Variants in GMPPB observed in about 807,000 individuals in gnomAD.
The protein encoded by GMPPB is GDP-mannose pyrophosphorylase B, also known as mannose-1-phosphate guanylyltransferase catalytic subunit beta.
A neutral mutation model predicts 40.3 loss-of-function variants in GMPPB; 38 were observed. That is an observed-to-expected ratio of 0.94 (90% CI 0.73 to 1.24). GMPPB has a LOEUF of 1.24. GMPPB is among the 50% of genes most tolerant of loss of function. The pLI is 0.00. For missense variants in GMPPB, 436 were observed against 487.1 expected (o/e 0.90, Z 0.99); for synonymous variants, 193 against 191.8 (o/e 1.01, Z -0.05).
Position 49,723,790 on chromosome 3 carries a change from C to A in GMPPB, c.-64G>T. The A allele has an allele frequency of 6.7e-7, 1 of 1,491,474 alleles. No homozygotes were observed. Among genetic ancestry groups the A allele is most frequent in the Non-Finnish European group, 8.8e-7 (1 of 1,132,280 alleles). The allele number at this position is 1,491,474 out of a possible 1,614,324, so 92.4% of individuals were successfully genotyped here. On this transcript the variant is annotated 5_prime_UTR_variant, in exon 1 of 9. Transcript: ENST00000308388. Reference sequence around the variant, plus strand: ...GGTGCCTGCAGCCCGCCTGGCCGGTCCCTGCCGCGCACTCCCAACGCCGTG... The same window carrying A: ...GGTGCCTGCAGCCCGCCTGGCCGGTACCTGCCGCGCACTCCCAACGCCGTG...
chr3:49,720,516 A>G lies in GMPPB; in HGVS notation c.*1236T>C, dbSNP rs745734265. On this transcript the variant is annotated 3_prime_UTR_variant, in exon 9 of 9. Coordinates refer to ENST00000308388, the MANE Select transcript of GMPPB (RefSeq NM_021971.4). ...TTGCACCCTCCCCTACCTAGGAGAG[A>G]GCAAGCCACATCAGTGCTCCTGGCA... 6.3e-7 allele frequency: 1 copy of G among 1,586,674 alleles called. No homozygotes were observed.
chr3:49,721,528 CAGCCCT>C lies in GMPPB; in HGVS notation c.*218_*223del, dbSNP rs754623460. On this transcript the variant is annotated 3_prime_UTR_variant, in exon 9 of 9. Transcript: ENST00000308388. Reference sequence around the variant, plus strand: ...GTGAGCATTAAATTATTATTCCATACAGCCCTGGCCCTGGCCCTTCTTGAGGGAGTG... The same window carrying C: ...GTGAGCATTAAATTATTATTCCATACGGCCCTGGCCCTTCTTGAGGGAGTG... The C allele has an allele frequency of 8.6e-6, 7 of 811,460 alleles. No individual in the cohort carries two copies. In the South Asian group the frequency reaches 9.9e-5, roughly 11 times the overall value. The allele number at this position is 811,460 out of a possible 1,614,324, so 50.3% of individuals were successfully genotyped here. A position where few individuals can be genotyped will look rare whatever the true frequency, so the allele number is the denominator to read the frequency against.
rs1288789222 is a variant in GMPPB at position 49,721,794 on chromosome 3, C to T, written c.1041G>A (p.Lys347=). 1 of 1,611,696 alleles carries T rather than the reference C, an allele frequency of 6.2e-7. No homozygotes were observed. Among genetic ancestry groups the T allele is most frequent in the Non-Finnish European group, 8.5e-7 (1 of 1,179,796 alleles). The change falls in exon 9 of 9, where the codon AAG becomes AAA. Residue 347 remains lysine, a synonymous_variant. Coordinates refer to ENST00000308388, the MANE Select transcript of GMPPB (RefSeq NM_021971.4). ...YLNGASVLPH[K]SIGESVPEPR... is the part of the protein sequence containing the mutation. ...GCTCTGGCACTGACTCGCCAATAGA[C>T]TTGTGGGGCAGCACGCTGGCTCCGT...
chr3:49,720,705 G>A lies in GMPPB; in HGVS notation c.*1047C>T. ...GGAAATCTGGGGCTGGGTCGGGTCAGGAGCCTTAAGAACAGCAAAGTCCTA... is the reference window on the plus strand; with the variant it reads ...GGAAATCTGGGGCTGGGTCGGGTCAAGAGCCTTAAGAACAGCAAAGTCCTA... On this transcript the variant is annotated 3_prime_UTR_variant, in exon 9 of 9. Coordinates refer to ENST00000308388, the MANE Select transcript of GMPPB (RefSeq NM_021971.4). The A allele has an allele frequency of 6.2e-7, 1 of 1,602,090 alleles. No individual in the cohort carries two copies. Among genetic ancestry groups the A allele is most frequent in the African/African-American group, 1.3e-5 (1 of 74,858 alleles).
Position 49,723,691 on chromosome 3 carries a change from C to T in GMPPB, c.36G>A (p.Thr12=), listed in dbSNP as rs528688224. ...KALILVGGYG[T]RLRPLTLSTP... ...TGCTCAGCGTCAGCGGCCGTAGCCGCGTCCCATAGCCCCCCACTAAGATCA... is the reference window on the plus strand; with the variant it reads ...TGCTCAGCGTCAGCGGCCGTAGCCGTGTCCCATAGCCCCCCACTAAGATCA... The change falls in exon 1 of 9, where the codon ACG becomes ACA. Residue 12 remains threonine, a synonymous_variant. Transcript: ENST00000308388. The T allele has an allele frequency of 4.4e-6, 7 of 1,590,862 alleles. No individual in the cohort carries two copies. In the East Asian group the frequency reaches 1.6e-4, roughly 36 times the overall value.
chr3:49,720,780 C>CAA lies in GMPPB; in HGVS notation c.*971_*972insTT. 1 of 1,613,886 alleles carries CAA rather than the reference C, an allele frequency of 6.2e-7. No individual in the cohort carries two copies. The highest frequency in any genetic ancestry group is 1.1e-5 in the South Asian group (1 of 91,076). On this transcript the variant is annotated 3_prime_UTR_variant, in exon 9 of 9. Coordinates refer to ENST00000308388, the MANE Select transcript of GMPPB (RefSeq NM_021971.4). Reference sequence around the variant, plus strand: ...ACATCCTCAGCTACCTCTGACTTGACACTACCTACCACTCCCCAGATGCGG... The same window carrying CAA: ...ACATCCTCAGCTACCTCTGACTTGACAAACTACCTACCACTCCCCAGATGCGG...
chr3:49,722,447 C>T lies in GMPPB; in HGVS notation c.625G>A (p.Ala209Thr). The change falls in exon 6 of 9, where the codon GCC becomes ACC. Residue 209 changes from alanine (A) to threonine (T), a missense_variant. Coordinates refer to ENST00000308388, the MANE Select transcript of GMPPB (RefSeq NM_021971.4). ...PIMAKEGQLYAMELQGFWMDI... is the reference protein window; with the variant it reads ...PIMAKEGQLYTMELQGFWMDI... ...CCTGCCTCACCCTGTAACTCCATGG[C>T]ATATAGCTGCCCCTCCTTGGCCATA... is the stretch of plus-strand genomic sequence containing the variant. The T allele has an allele frequency of 6.2e-7, 1 of 1,614,198 alleles. No individual in the cohort carries two copies. Among genetic ancestry groups the T allele is most frequent in the Non-Finnish European group, 8.5e-7 (1 of 1,180,038 alleles).
chr3:49,722,443 A>G lies in GMPPB; in HGVS notation c.629T>C (p.Met210Thr), dbSNP rs759137392. 4.0e-5 allele frequency: 64 copies of G among 1,613,998 alleles called. No homozygotes were observed. The highest frequency in any genetic ancestry group is 5.4e-5 in the Non-Finnish European group (64 of 1,180,008). The stretch of plus-strand genomic sequence containing the variant: ...CCTCCCTGCCTCACCCTGTAACTCC[A>G]TGGCATATAGCTGCCCCTCCTTGGC... Reference protein sequence around the residue: ...IMAKEGQLYAMELQGFWMDIG... With the variant: ...IMAKEGQLYATELQGFWMDIG... The change falls in exon 6 of 9, where the codon ATG becomes ACG. Residue 210 changes from methionine (M) to threonine (T), a missense_variant. Transcript: ENST00000308388.
rs762098688 is a variant in GMPPB, at chr3:49,723,090, T to C, written c.284A>G (p.Asp95Gly). ...GTAGPLALAR[D>G]LLSETADPFF... ...AGGGTCTGCAGTCTCAGAGAGTAGGTCACGGGCCAGCGCCAGGGGCCCAGC... is the reference window on the plus strand; with the variant it reads ...AGGGTCTGCAGTCTCAGAGAGTAGGCCACGGGCCAGCGCCAGGGGCCCAGC... Residue 95 changes from aspartate (D) to glycine (G), a missense_variant, in exon 4 of 9, where the codon GAC becomes GGC. Physicochemically the swap from Asp to Gly is moderately conservative, Grantham distance 94. Coordinates refer to ENST00000308388, the MANE Select transcript of GMPPB (RefSeq NM_021971.4). 1.2e-6 allele frequency: 2 copies of C among 1,613,724 alleles called. No individual in the cohort carries two copies. Among genetic ancestry groups the C allele is most frequent in the African/African-American group, 2.7e-5 (2 of 74,874 alleles).
At position 49,723,634 on chromosome 3, in the gene GMPPB, C is replaced by T; in HGVS notation, c.93G>A (p.Lys31=). The part of the protein sequence containing the change: ...TPKPLVDFCN[K]PILLHQVEAL... ...CCTCCACTTGGTGCAGCAAGATGGGCTTATTGCAGAAGTCCACCAGTGGCT... is the reference window on the plus strand; with the variant it reads ...CCTCCACTTGGTGCAGCAAGATGGGTTTATTGCAGAAGTCCACCAGTGGCT... The change falls in exon 1 of 9, where the codon AAG becomes AAA. Residue 31 remains lysine, a synonymous_variant. Coordinates refer to ENST00000308388, the MANE Select transcript of GMPPB (RefSeq NM_021971.4). The T allele has an allele frequency of 1.3e-6, 2 of 1,584,438 alleles. No homozygotes were observed. Among genetic ancestry groups the T allele is most frequent in the Non-Finnish European group, 1.7e-6 (2 of 1,165,506 alleles).
Position 49,722,604 on chromosome 3 carries a change from G to C in GMPPB, c.553C>G (p.Arg185Gly). 6.2e-7 allele frequency: 1 copy of C among 1,613,870 alleles called. No individual in the cohort carries two copies. Among genetic ancestry groups the C allele is most frequent in the Non-Finnish European group, 8.5e-7 (1 of 1,179,874 alleles). ...MYILSPAVLQ[R>G]IQLQPTSIEK... is the part of the protein sequence containing the mutation. ...AGCTGTCTCCTACACACCTGGATGC[G>C]CTGCAGCACTGCAGGGCTCAGGATG... is the stretch of plus-strand genomic sequence containing the variant. Residue 185 changes from arginine (R) to glycine (G), a missense_variant, in exon 5 of 9, where the codon CGC (arginine) becomes GGC (glycine). Physicochemically the swap from Arg to Gly is moderately radical, Grantham distance 125 (BLOSUM62 -2). Coordinates refer to ENST00000308388, the MANE Select transcript of GMPPB (RefSeq NM_021971.4).
chr3:49,722,935 G>A (rs371035120), intron 4 of GMPPB, 37 bp downstream of exon 4: 64 of 1,607,268 alleles, frequency 4.0e-5, no homozygotes, highest in Non-Finnish European at 5.4e-5. Flanking sequence ...GGCATGGAGG[G>A]TGAAAGTGTC....
chr3:49,722,163 A>AAAAT lies in GMPPB; in HGVS notation c.769-20_769-17dup, dbSNP rs764253773. On this transcript the variant is annotated splice_polypyrimidine_tract_variant and intron_variant, in intron 7 of 8. Transcript: ENST00000308388. ...CACTTGGGTCCTGAGAGCGGTGGGA[A>AAAAT]AAATACAAGTGGGCCACTTGTCTCC... 9.3e-6 allele frequency: 15 copies of AAAAT among 1,607,208 alleles called. No individual in the cohort carries two copies. Among genetic ancestry groups the AAAAT allele is most frequent in the Non-Finnish European group, 1.3e-5 (15 of 1,175,426 alleles).
chr3:49,722,206 A>G (rs760610690), intron 7 of GMPPB, 25 bp downstream of exon 7: 2 of 1,609,930 alleles, frequency 1.2e-6, no homozygotes, highest in South Asian at 2.2e-5. Flanking sequence ...GAGGGGGTTA[A>G]TGATGGGCTG....
chr3:49,721,495 GGGC>G lies in GMPPB; in HGVS notation c.*254_*256del, dbSNP rs1429096632. The G allele has an allele frequency of 8.0e-6, 7 of 873,166 alleles. No individual in the cohort carries two copies. Among genetic ancestry groups the G allele is most frequent in the Non-Finnish European group, 1.3e-5 (7 of 522,278 alleles). The allele number at this position is 873,166 out of a possible 1,614,324, so 54.1% of individuals were successfully genotyped here. ...TGTGCCTGAGCTTGACTTTCAGTCA[GGGC>G]CACAGTGAGCATTAAATTATTATTC... On this transcript the variant is annotated 3_prime_UTR_variant, in exon 9 of 9. Coordinates refer to ENST00000308388, the MANE Select transcript of GMPPB (RefSeq NM_021971.4).
At position 49,720,895 on chromosome 3, in the gene GMPPB, G is replaced by C. The variant is rs1393836674; in HGVS notation, c.*857C>G. 1 of 1,614,108 alleles carries C rather than the reference G, an allele frequency of 6.2e-7. No homozygotes were observed. The highest frequency in any genetic ancestry group is 2.2e-5 in the East Asian group (1 of 44,890). ...TGCCCAGGCAGCAGCTGCCTCCCTGGTGAGTGGGAACACGGTGCACAGGTC... is the reference window on the plus strand; with the variant it reads ...TGCCCAGGCAGCAGCTGCCTCCCTGCTGAGTGGGAACACGGTGCACAGGTC... On this transcript the variant is annotated 3_prime_UTR_variant, in exon 9 of 9. Coordinates refer to ENST00000308388, the MANE Select transcript of GMPPB (RefSeq NM_021971.4).
chr3:49,722,198 G>T, intron 7 of GMPPB, 33 bp downstream of exon 7: 1 of 1,608,874 alleles, frequency 6.2e-7, no homozygotes, highest in South Asian at 1.1e-5. Context: ...CCAAGACTGA[G>T]GGGGTTAATG....
At position 49,721,946 on chromosome 3, in the gene GMPPB, G is replaced by A; in HGVS notation, c.951+19C>T. On this transcript the variant is annotated intron_variant, in intron 8 of 8. Transcript: ENST00000308388. ...CACTCCCCGCCCCTCTCCCCACCCA[G>A]CCCAGCCCACAGGCTTACCCACTGA... is the stretch of plus-strand genomic sequence containing the variant. 1 of 829,730 alleles carries A rather than the reference G, an allele frequency of 1.2e-6. No individual in the cohort carries two copies. The highest frequency in any genetic ancestry group is 1.9e-6 in the Non-Finnish European group (1 of 522,202). 51.4% of individuals were successfully genotyped at this position (829,730 alleles called of 1,614,324 possible). A position where few individuals can be genotyped will look rare whatever the true frequency, so the allele number is the denominator to read the frequency against.
Position 49,721,305 on chromosome 3 carries a change from G to A in GMPPB, c.*447C>T, listed in dbSNP as rs948270095. 1 of 1,614,170 alleles carries A rather than the reference G, an allele frequency of 6.2e-7. No homozygotes were observed. Among genetic ancestry groups the A allele is most frequent in the Non-Finnish European group, 8.5e-7 (1 of 1,180,014 alleles). On this transcript the variant is annotated 3_prime_UTR_variant, in exon 9 of 9. Transcript: ENST00000308388. ...CGAGTACTACCTCCTCAGCTGCCTA[G>A]CCCTCACAGCCTGTGCCATCCTGGA...
Sources: gnomAD v4.1 joint callset for allele counts on GRCh38, gnomAD v4.1.1 for gene constraint, MANE v1.5 for transcripts, NCBI Gene and HGNC (gene_info 2026-07-23, HGNC 2026-07-21) for gene names.